Variants in IGSF21 observed in about 807,000 individuals in gnomAD.
IGSF21 encodes the protein immunoglobin superfamily member 21.
A neutral mutation model predicts 46.8 loss-of-function variants in IGSF21; 28 were observed. That is an observed-to-expected ratio of 0.60 (90% CI 0.44 to 0.82). The LOEUF is 0.82. Among genes scored for constraint, IGSF21 ranks in the 40% least tolerant of loss-of-function variants. The probability of loss-of-function intolerance (pLI) is 0.00; values close to 1 mark genes in which losing one functional copy is unlikely to be tolerated. For missense variants in IGSF21, 624 were observed against 665.5 expected, an observed-to-expected ratio of 0.94 and a Z score of 0.69; for synonymous variants, 284 against 273.6, an observed-to-expected ratio of 1.04 and a Z score of -0.38.
chr1:18,189,585 T>A (rs574933621), intron 1 of IGSF21, among the ~76,000 whole-genome samples: 34 of 151,794 alleles, frequency 2.2e-4, no homozygotes, highest in African/African-American at 8.0e-4. Flanking sequence ...TGCAACTAGA[T>A]GGCCCCACTG....
chr1:18,167,337 G>C (rs917259790), intron 1 of IGSF21, among the ~76,000 whole-genome samples: 1 of 152,180 alleles, frequency 6.6e-6, no homozygotes, highest in Non-Finnish European at 1.5e-5. Flanking sequence ...AAACCTGCAA[G>C]GTAGATATGA....
At chr1:18,242,534 T>C (rs1310630164) in intron 2 of IGSF21, among the ~76,000 whole-genome samples, 2 of 152,238 alleles carry the variant, frequency 1.3e-5, no homozygotes, top group African/African-American at 4.8e-5. Flanking sequence ...GTAGTGGTTC[T>C]TGGGGGACCT....
chr1:18,302,373 A>T (rs2085370958), intron 3 of IGSF21, among the ~76,000 whole-genome samples: 1 of 152,048 alleles, frequency 6.6e-6, no homozygotes, highest in Admixed American at 6.6e-5. Context: ...GGCAGGGCTG[A>T]TTCTTCTCCA....
At chr1:18,150,795 G>GC (rs1443101251) in intron 1 of IGSF21, among the ~76,000 whole-genome samples, 2 of 152,318 alleles carry the variant, frequency 1.3e-5, no homozygotes, top group East Asian at 3.9e-4. Context: ...TGGGGCAGTT[G>GC]CCCCCCTCAC....
chr1:18,316,556 T>C (rs2085545060), intron 3 of IGSF21, among the ~76,000 whole-genome samples: 1 of 152,184 alleles, frequency 6.6e-6, no homozygotes, highest in Non-Finnish European at 1.5e-5. Flanking sequence ...TCATAGCAGG[T>C]CCCTAATGCA....
At position 18,108,192 on chromosome 1, in the gene IGSF21, G is replaced by C; in HGVS notation, c.64G>C (p.Ala22Pro). 7.0e-7 allele frequency: 1 copy of C among 1,431,308 alleles called. No homozygotes were observed. Among genetic ancestry groups the C allele is most frequent in the South Asian group, 1.4e-5 (1 of 72,120 alleles). The allele number at this position is 1,431,308 out of a possible 1,614,324, so 88.7% of individuals were successfully genotyped here. The change falls in exon 1 of 10, where the codon GCG (alanine) becomes CCG (proline). Residue 22 changes from alanine to proline, a missense_variant. Coordinates refer to ENST00000251296, the MANE Select transcript of IGSF21 (RefSeq NM_032880.5). ...GCTGCTCGCCGCGATCCTGGACCTG[G>C]CGCGCGGTGAGTGCGCGGGCGCCTG... ...CLLLAAILDL[A>P]RGYLTVNIEP... is the part of the protein sequence containing the mutation.
intron 2 of IGSF21, among the ~76,000 whole-genome samples, chr1:18,276,495 G>A (rs570269489): frequency 6.6e-6 from 1 of 152,258 alleles, no homozygotes; most frequent in South Asian, 2.1e-4. Flanking sequence ...TGCCACGTCC[G>A]CCAATTCTAT....
chr1:18,210,929 G>A (rs995581496), intron 1 of IGSF21, among the ~76,000 whole-genome samples: 7 of 152,056 alleles, frequency 4.6e-5, no homozygotes, highest in East Asian at 3.9e-4. Flanking sequence ...GTGCAGTGGC[G>A]TGATCTAGGC....
intron 1 of IGSF21, among the ~76,000 whole-genome samples, chr1:18,127,138 T>A (rs890748826): frequency 2.0e-5 from 3 of 152,178 alleles, no homozygotes; most frequent in Admixed American, 2.0e-4. Context: ...ACAGAGCACA[T>A]GACCACACTG....
chr1:18,351,623 TGCCTCCCTAC>T (rs2085956313), intron 4 of IGSF21, among the ~76,000 whole-genome samples: 1 of 152,184 alleles, frequency 6.6e-6, no homozygotes, highest in South Asian at 2.1e-4. Flanking sequence ...TTCTTGAATG[TGCCTCCCTAC>T]CTGCCTCCCC....
chr1:18,121,953 C>A (rs1205014990), intron 1 of IGSF21, among the ~76,000 whole-genome samples: 1 of 152,170 alleles, frequency 6.6e-6, no homozygotes, highest in East Asian at 1.9e-4. Context: ...GGCAGGTGCA[C>A]CACTTCTGTC....
At chr1:18,332,515 C>G (rs1034765417) in intron 3 of IGSF21, among the ~76,000 whole-genome samples, 1 of 144,970 alleles carries the variant, frequency 6.9e-6, no homozygotes, top group Non-Finnish European at 1.5e-5. Context: ...TTTTTTTTAT[C>G]TAAAATATGT....
At chr1:18,333,143 C>T (rs2085731541) in intron 3 of IGSF21, among the ~76,000 whole-genome samples, 2 of 152,190 alleles carry the variant, frequency 1.3e-5, no homozygotes, top group South Asian at 4.1e-4. Context: ...AACTGCTGCT[C>T]TTTTGTGTCC....
At chr1:18,327,959 C>T (rs550010815) in intron 3 of IGSF21, among the ~76,000 whole-genome samples, 1 of 152,262 alleles carries the variant, frequency 6.6e-6, no homozygotes, top group African/African-American at 2.4e-5. Context: ...GATAAACTCA[C>T]CTAACACATT....
At chr1:18,346,280 G>A (rs542634) in intron 4 of IGSF21, among the ~76,000 whole-genome samples, 47,375 of 151,860 alleles carry the variant, frequency 0.31, 7,425 homozygotes, top group South Asian at 0.42. Flanking sequence ...CCAATCACAC[G>A]CCCTCCACTG....
chr1:18,212,275 G>A (rs536464558), intron 1 of IGSF21, among the ~76,000 whole-genome samples: 6 of 152,346 alleles, frequency 3.9e-5, no homozygotes, highest in African/African-American at 7.2e-5. Flanking sequence ...GAACAGTGGC[G>A]TGACTTATTC....
chr1:18,149,437 T>C (rs1167687322), intron 1 of IGSF21, among the ~76,000 whole-genome samples: 1 of 152,180 alleles, frequency 6.6e-6, no homozygotes. Context: ...GCTGTGCTAA[T>C]CATTAGTGTC....
intron 4 of IGSF21, among the ~76,000 whole-genome samples, chr1:18,359,383 A>AAAGAAAGAAAGAAAGAAAGGAAGG (rs1557659626): frequency 1.6e-5 from 1 of 61,100 alleles, no homozygotes; most frequent in Admixed American, 1.9e-4. Context: ...AGAAAGAAAG[A>AAAGAAAGAAAGAAAGAAAGGAAGG]AAGGAAGGAA....
intron 3 of IGSF21, among the ~76,000 whole-genome samples, chr1:18,332,829 G>A (rs1407952880): frequency 6.6e-6 from 1 of 152,186 alleles, no homozygotes; most frequent in Non-Finnish European, 1.5e-5. Flanking sequence ...GTGCTGGGTG[G>A]TGGGAGGGAT....
Sources: gnomAD v4.1 joint callset for allele counts (sites outside exome capture counted in the v4.1 genomes callset) on GRCh38, gnomAD v4.1.1 for gene constraint, MANE v1.5 for transcripts, NCBI Gene and HGNC (gene_info 2026-07-23, HGNC 2026-07-21) for gene names.